ERCC8: variants seen among roughly 807,000 people sequenced by gnomAD.
ERCC8 encodes ERCC excision repair 8, CSA ubiquitin ligase complex subunit.
A neutral mutation model predicts 54.9 loss-of-function variants in ERCC8; 52 were observed. That is an observed-to-expected ratio of 0.95 (90% CI 0.76 to 1.19). ERCC8 has a LOEUF of 1.19. Ranked by LOEUF, ERCC8 falls within the 50% of genes most tolerant of loss-of-function variation. The probability of loss-of-function intolerance (pLI) is 0.00; values close to 1 mark genes in which losing one functional copy is unlikely to be tolerated. For synonymous variants in ERCC8, 146 were observed against 157.2 expected (o/e 0.93, Z 0.53); for missense variants, 514 against 466.1 (o/e 1.10, Z -0.95).
rs1007427811 is a variant in ERCC8, at chr5:60,870,792, G to A, written c.*3823C>T. On this transcript the variant is annotated 3_prime_UTR_variant, in exon 12 of 12. Coordinates refer to ENST00000676185, the MANE Select transcript of ERCC8 (RefSeq NM_000082.4). The stretch of plus-strand genomic sequence containing the variant: ...AAATATTAGAAGAAAATATACCTGA[G>A]CTGAGAAAAGGTTTGGACCTTCATT... 3.3e-5 allele frequency among the ~76,000 whole-genome samples: 5 copies of A among 152,056 alleles called. No individual in the cohort carries two copies. The highest frequency in any genetic ancestry group is 6.6e-5 in the Admixed American group (1 of 15,266).
chr5:60,927,244 T>C (rs1749774749), intron 2 of ERCC8, among the ~76,000 whole-genome samples: 1 of 152,242 alleles, frequency 6.6e-6, no homozygotes, highest in Non-Finnish European at 1.5e-5. Flanking sequence ...TGATTTTCAG[T>C]GACACCTTTA....
At chr5:60,909,243 GAAAAAAAAAAAAAAA>G (rs60064294) in intron 4 of ERCC8, among the ~76,000 whole-genome samples, 7 of 19,932 alleles carry the variant, frequency 3.5e-4, no homozygotes, top group South Asian at 4.7e-3. Context: ...GCCCTATTCT[GAAAAAAAAAAAAAAA>G]AAAAAAAAAA....
At position 60,903,536 on chromosome 5, in the gene ERCC8, C is replaced by T. The variant is rs4647102; in HGVS notation, c.550+112G>A. 0.63 allele frequency: 964,929 copies of T among 1,537,816 alleles called. 306,315 individuals carry two copies. The highest frequency in any genetic ancestry group is 0.95 in the East Asian group (40,464 of 42,708). ...TATTTCCCTGCTGAGTCTCAACAACCAGCACAAAGTACATTAGTCATGTCA... is the reference window on the plus strand; with the variant it reads ...TATTTCCCTGCTGAGTCTCAACAACTAGCACAAAGTACATTAGTCATGTCA... On this transcript the variant is annotated intron_variant, in intron 6 of 11. Transcript: ENST00000676185.
chr5:60,941,273 A>G (rs1314920833), intron 1 of ERCC8, among the ~76,000 whole-genome samples: 1 of 152,212 alleles, frequency 6.6e-6, no homozygotes, highest in Non-Finnish European at 1.5e-5. Flanking sequence ...TTAGTTTTCA[A>G]TATAAAATTA....
At chr5:60,880,827 G>A (rs564415105) in intron 11 of ERCC8, among the ~76,000 whole-genome samples, 96 of 152,164 alleles carry the variant, frequency 6.3e-4, no homozygotes, top group Middle Eastern at 3.4e-3. Flanking sequence ...CCTTTAGCCC[G>A]GAGTAGTTTG....
chr5:60,926,619 T>A (rs1168568093), intron 2 of ERCC8, among the ~76,000 whole-genome samples: 1 of 152,230 alleles, frequency 6.6e-6, no homozygotes, highest in Non-Finnish European at 1.5e-5. Flanking sequence ...ATTTTGTAGT[T>A]CAGTTACTCT....
chr5:60,896,016 C>T (rs187581509), intron 9 of ERCC8, among the ~76,000 whole-genome samples: 131 of 151,766 alleles, frequency 8.6e-4, no homozygotes, highest in Admixed American at 1.4e-3. Flanking sequence ...ACGGAGTTTT[C>T]GCTCTTATTG....
In ERCC8 at chr5:60,937,709, T is replaced by C. The variant is rs145620659; in HGVS notation, c.77+7223A>G. Among the ~76,000 whole-genome samples, 29 of 152,306 alleles carry C rather than the reference T, an allele frequency of 1.9e-4. No individual in the cohort carries two copies. In the East Asian group the frequency reaches 5.6e-3, roughly 29 times the overall value. ...AGGGCTGAGGACTTGCCCCAGGCTT[T>C]AAGCCACCCAGCTGAGAAAGCCAGC... is the stretch of plus-strand genomic sequence containing the variant. On this transcript the variant is annotated intron_variant, in intron 1 of 11. Coordinates refer to ENST00000676185, the MANE Select transcript of ERCC8 (RefSeq NM_000082.4).
At position 60,902,426 on chromosome 5, in the gene ERCC8, A is replaced by G. The variant is rs536463212; in HGVS notation, c.617+16T>C. Reference sequence around the variant, plus strand: ...TATTAATTACTAACTTCAAAAGCAAATAAGTTAAATTTTACCTTGCTGTTG... The same window carrying G: ...TATTAATTACTAACTTCAAAAGCAAGTAAGTTAAATTTTACCTTGCTGTTG... On this transcript the variant is annotated intron_variant, in intron 7 of 11. Transcript: ENST00000676185. 1.3e-5 allele frequency: 21 copies of G among 1,593,106 alleles called. No individual in the cohort carries two copies. The East Asian group carries it at 2.9e-4, about 22-fold the overall frequency.
At position 60,872,730 on chromosome 5, in the gene ERCC8, A is replaced by G. The variant is rs1579976578; in HGVS notation, c.*1885T>C. Among the ~76,000 whole-genome samples the G allele has an allele frequency of 6.6e-6, 1 of 152,230 alleles. No individual in the cohort carries two copies. The highest frequency in any genetic ancestry group is 6.5e-5 in the Admixed American group (1 of 15,280). ...ATTCTTGGTAGGAATGTAAATTAGTACAGCCATTATGGAAGACAGTATGGA... is the reference window on the plus strand; with the variant it reads ...ATTCTTGGTAGGAATGTAAATTAGTGCAGCCATTATGGAAGACAGTATGGA... On this transcript the variant is annotated 3_prime_UTR_variant, in exon 12 of 12. Coordinates refer to ENST00000676185, the MANE Select transcript of ERCC8 (RefSeq NM_000082.4).
intron 1 of ERCC8, among the ~76,000 whole-genome samples, chr5:60,941,349 T>C (rs1000055237): frequency 3.9e-5 from 6 of 152,144 alleles, no homozygotes; most frequent in Non-Finnish European, 7.4e-5. Context: ...AACTTGAAGA[T>C]AGATCCATTA....
At position 60,870,134 on chromosome 5, in the gene ERCC8, G is replaced by T. The variant is rs540416139; in HGVS notation, c.*4481C>A. Among the ~76,000 whole-genome samples the T allele has an allele frequency of 1.5e-4, 23 of 152,092 alleles. No individual in the cohort carries two copies. The East Asian group carries it at 2.7e-3, about 18-fold the overall frequency. Reference sequence around the variant, plus strand: ...CAAAACAAGGGTTTAGGGTGGGGAGGGGAATAAAACAATAATCAAAAGTCT... The same window carrying T: ...CAAAACAAGGGTTTAGGGTGGGGAGTGGAATAAAACAATAATCAAAAGTCT... On this transcript the variant is annotated 3_prime_UTR_variant, in exon 12 of 12. Transcript: ENST00000676185.
intron 7 of ERCC8, chr5:60,900,869 A>C (rs1748885253): frequency 6.6e-6 from 1 of 152,068 alleles, no homozygotes; most frequent in Non-Finnish European, 1.5e-5. Context: ...AGCATGAAAA[A>C]TGTAAAATCC....
At chr5:60,890,045 G>A (rs1345911926) in intron 10 of ERCC8, among the ~76,000 whole-genome samples, 1 of 151,914 alleles carries the variant, frequency 6.6e-6, no homozygotes, top group East Asian at 1.9e-4. Context: ...CCAGCCAGTA[G>A]GATATATAAA....
rs762230648 is a variant in ERCC8, at chr5:60,887,473, T to G, written c.1089A>C (p.Pro363=). ...SRDCNILAWV[P]SLYEPVPDDD... is the part of the protein sequence containing the mutation. ...CATCAGGAACTGGTTCATATAAGGA[T>G]GGAACCCAAGCCAGAATGTTGCAGT... Residue 363 remains proline (P), a synonymous_variant, in exon 11 of 12, where the codon CCA becomes CCC. Transcript: ENST00000676185. The G allele has an allele frequency of 1.5e-5, 25 of 1,613,984 alleles. No individual in the cohort carries two copies. The highest frequency in any genetic ancestry group is 2.1e-5 in the Non-Finnish European group (25 of 1,179,882).
chr5:60,904,621 AGTGTGTGT>A (rs35456838), intron 5 of ERCC8, among the ~76,000 whole-genome samples, 163 bp downstream of exon 5: 1 of 63,844 alleles, frequency 1.6e-5, no homozygotes, highest in Non-Finnish European at 2.7e-5. Context: ...GAATATATAT[AGTGTGTGT>A]GTGTGTATAT....
rs966123843 is a variant in ERCC8, at chr5:60,870,812, T to G, written c.*3803A>C. ...CCTGAGCTGAGAAAAGGTTTGGACC[T>G]TCATTGAAAGAGCTCCCAAGAAGTC... On this transcript the variant is annotated 3_prime_UTR_variant, in exon 12 of 12. Transcript: ENST00000676185. 6.6e-6 allele frequency among the ~76,000 whole-genome samples: 1 copy of G among 152,112 alleles called. No individual in the cohort carries two copies. The highest frequency in any genetic ancestry group is 1.5e-5 in the Non-Finnish European group (1 of 68,016).
chr5:60,878,688 T>C (rs570878497), intron 11 of ERCC8, among the ~76,000 whole-genome samples: 37 of 152,162 alleles, frequency 2.4e-4, no homozygotes, highest in Non-Finnish European at 5.0e-4. Context: ...TGATGGTAGT[T>C]TGTATTTCTG....
intron 11 of ERCC8, among the ~76,000 whole-genome samples, chr5:60,877,157 T>C (rs1372756514): frequency 6.6e-6 from 1 of 152,222 alleles, no homozygotes; most frequent in African/African-American, 2.4e-5. Context: ...CATTTCTTGT[T>C]TTTGTCAAGT....
Sources: gnomAD v4.1 joint callset for allele counts (sites outside exome capture counted in the v4.1 genomes callset) on GRCh38, gnomAD v4.1.1 for gene constraint, MANE v1.5 for transcripts, NCBI Gene and HGNC (gene_info 2026-07-23, HGNC 2026-07-21) for gene names.